Variants in MIXL1 observed in about 807,000 individuals in gnomAD.
MIXL1 encodes the protein Mix paired-like homeobox, also known as homeobox protein MIXL1.
Under a neutral mutation model 9.3 loss-of-function variants are expected in MIXL1, and 9 were observed. That is an observed-to-expected ratio of 0.97 (90% confidence interval 0.58 to 1.69). The LOEUF (loss-of-function observed/expected upper bound fraction) is 1.69, where lower values mean the gene tolerates loss of function less well. Among genes scored for constraint, MIXL1 ranks in the 40% most tolerant of loss-of-function variants. MIXL1 has a pLI of 0.00. For synonymous variants in MIXL1, 164 were observed against 155.6 expected (o/e 1.05, Z -0.40); for missense variants, 330 against 331.7 (o/e 0.99, Z 0.04).
chr1:226,226,708 A>G lies in MIXL1; in HGVS notation c.*896A>G, dbSNP rs955199238. The G allele has an allele frequency of 1.2e-4, 17 of 147,742 alleles. No homozygotes were observed. Among genetic ancestry groups the G allele is most frequent in the Admixed American group, 1.0e-3 (15 of 14,680 alleles). The allele number at this position is 147,742 out of a possible 1,614,324, so 9.2% of individuals were successfully genotyped here. ...AAAAAAAAAAAAAAAAAATTACTCTATGGTTCTGTGGTAGCCTCCAGTTGC... is the reference window on the plus strand; with the variant it reads ...AAAAAAAAAAAAAAAAAATTACTCTGTGGTTCTGTGGTAGCCTCCAGTTGC... On this transcript the variant is annotated 3_prime_UTR_variant, in exon 2 of 2. Coordinates refer to ENST00000366810, the MANE Select transcript of MIXL1 (RefSeq NM_031944.3).
In MIXL1 at chr1:226,225,705, A is replaced by G. The variant is rs1657143544; in HGVS notation, c.592A>G (p.Ser198Gly). 1 of 1,614,084 alleles carries G rather than the reference A, an allele frequency of 6.2e-7. No individual in the cohort carries two copies. The highest frequency in any genetic ancestry group is 1.7e-5 in the Admixed American group (1 of 60,004). Residue 198 changes from serine (S) to glycine (G), a missense_variant, in exon 2 of 2, where the codon AGC (serine) becomes GGC (glycine). Ser to Gly is a moderately conservative substitution (Grantham distance 56, BLOSUM62 0). Transcript: ENST00000366810. Reference sequence around the variant, plus strand: ...GGTTGGAGGGGGCATCTCTGACTCTAGCTCCCAAGGTCAGAATTTTGAAAC... The same window carrying G: ...GGTTGGAGGGGGCATCTCTGACTCTGGCTCCCAAGGTCAGAATTTTGAAAC... ...NGVGGGISDSSSQGQNFETCS... is the reference protein window; with the variant it reads ...NGVGGGISDSGSQGQNFETCS...
rs771704348 is a variant in MIXL1 at position 226,223,952 on chromosome 1, A to G, written c.271A>G (p.Thr91Ala). Residue 91 changes from threonine to alanine, a missense_variant, in exon 1 of 2, where the codon ACG (threonine) becomes GCG (alanine). Transcript: ENST00000366810. ...APSASQRRKRTSFSAEQLQLL... is the reference protein window; with the variant it reads ...APSASQRRKRASFSAEQLQLL... The stretch of plus-strand genomic sequence containing the variant: ...GTCGGCGTCGCAGCGCCGCAAGCGC[A>G]CGTCTTTCAGCGCCGAACAGCTGCA... 12 of 1,440,886 alleles carry G rather than the reference A, an allele frequency of 8.3e-6. No homozygotes were observed. In the South Asian group the frequency reaches 1.5e-4, roughly 18 times the overall value. 89.3% of individuals were successfully genotyped at this position (1,440,886 alleles called of 1,614,324 possible).
At position 226,223,995 on chromosome 1, in the gene MIXL1, T is replaced by C; in HGVS notation, c.314T>C (p.Phe105Ser). 1.4e-6 allele frequency: 2 copies of C among 1,451,562 alleles called. No individual in the cohort carries two copies. The highest frequency in any genetic ancestry group is 1.5e-5 in the South Asian group (1 of 68,110). 89.9% of individuals were successfully genotyped at this position (1,451,562 alleles called of 1,614,324 possible). ...AEQLQLLELV[F>S]RRTRYPDIHL... Reference sequence around the variant, plus strand: ...CAGCTGCAGCTGCTGGAGCTCGTCTTCCGCCGGACCCGGTACCCCGACATC... The same window carrying C: ...CAGCTGCAGCTGCTGGAGCTCGTCTCCCGCCGGACCCGGTACCCCGACATC... Residue 105 changes from phenylalanine to serine, a missense_variant, in exon 1 of 2, where the codon TTC (phenylalanine) becomes TCC (serine). By Grantham distance (155) the Phe-to-Ser change is radical. Coordinates refer to ENST00000366810, the MANE Select transcript of MIXL1 (RefSeq NM_031944.3).
chr1:226,224,977 A>C (rs912253702), intron 1 of MIXL1, among the ~76,000 whole-genome samples: 13 of 152,194 alleles, frequency 8.5e-5, no homozygotes, highest in African/African-American at 3.1e-4. Context: ...TAGAGTTGGT[A>C]AGGAGAAGCC....
In MIXL1 at chr1:226,224,071, C is replaced by T; in HGVS notation, c.390C>T (p.Ile130=). 2 of 1,337,270 alleles carry T rather than the reference C, an allele frequency of 1.5e-6. No homozygotes were observed. Among genetic ancestry groups the T allele is most frequent in the East Asian group, 5.6e-5 (2 of 35,416 alleles). The allele number at this position is 1,337,270 out of a possible 1,614,324, so 82.8% of individuals were successfully genotyped here. The change falls in exon 1 of 2, where the codon ATC becomes ATT. Residue 130 remains isoleucine (I), a synonymous_variant. Transcript: ENST00000366810. ...AALTLLPESR[I]QVWFQNRRAK... ...TCACCCTGCTCCCCGAGTCCAGGAT[C>T]CAGGTGAGGGCCCGCTGCGTTCGCA...
Position 226,223,964 on chromosome 1 carries a change from G to A in MIXL1, c.283G>A (p.Ala95Thr). The change falls in exon 1 of 2, where the codon GCC becomes ACC. Residue 95 changes from alanine to threonine, a missense_variant. Physicochemically the swap from Ala to Thr is moderately conservative, Grantham distance 58. Coordinates refer to ENST00000366810, the MANE Select transcript of MIXL1 (RefSeq NM_031944.3). ...SQRRKRTSFSAEQLQLLELVF... is the reference protein window; with the variant it reads ...SQRRKRTSFSTEQLQLLELVF... ...GCGCCGCAAGCGCACGTCTTTCAGC[G>A]CCGAACAGCTGCAGCTGCTGGAGCT... 1.4e-6 allele frequency: 2 copies of A among 1,447,608 alleles called. No individual in the cohort carries two copies. Among genetic ancestry groups the A allele is most frequent in the Non-Finnish European group, 1.8e-6 (2 of 1,089,894 alleles). 89.7% of individuals were successfully genotyped at this position (1,447,608 alleles called of 1,614,324 possible).
chr1:226,223,862 G>C lies in MIXL1; in HGVS notation c.181G>C (p.Gly61Arg). Residue 61 changes from glycine to arginine, a missense_variant, in exon 1 of 2, where the codon GGG (glycine) becomes CGG (arginine). By Grantham distance (125) the Gly-to-Arg change is moderately radical (BLOSUM62 -2). Coordinates refer to ENST00000366810, the MANE Select transcript of MIXL1 (RefSeq NM_031944.3). The part of the protein sequence containing the change: ...TFAGFLGRDP[G>R]PAPPPPASLG... ...TGCGGGCTTCCTCGGCCGGGACCCC[G>C]GGCCGGCCCCGCCGCCCCCCGCCAG... 1 of 1,197,226 alleles carries C rather than the reference G, an allele frequency of 8.4e-7. No homozygotes were observed. Among genetic ancestry groups the C allele is most frequent in the Non-Finnish European group, 1.0e-6 (1 of 967,578 alleles). 74.2% of individuals were successfully genotyped at this position (1,197,226 alleles called of 1,614,324 possible). A position where few individuals can be genotyped will look rare whatever the true frequency, so the allele number is the denominator to read the frequency against.
At position 226,224,000 on chromosome 1, in the gene MIXL1, C is replaced by A; in HGVS notation, c.319C>A (p.Arg107=). 1 of 1,446,560 alleles carries A rather than the reference C, an allele frequency of 6.9e-7. No individual in the cohort carries two copies. Among genetic ancestry groups the A allele is most frequent in the Non-Finnish European group, 9.2e-7 (1 of 1,087,736 alleles). The allele number at this position is 1,446,560 out of a possible 1,614,324, so 89.6% of individuals were successfully genotyped here. The change falls in exon 1 of 2, where the codon CGG becomes AGG. Residue 107 remains arginine, a synonymous_variant. Coordinates refer to ENST00000366810, the MANE Select transcript of MIXL1 (RefSeq NM_031944.3). ...QLQLLELVFR[R]TRYPDIHLRE... ...GCAGCTGCTGGAGCTCGTCTTCCGC[C>A]GGACCCGGTACCCCGACATCCACTT...
Position 226,224,008 on chromosome 1 carries a change from G to A in MIXL1, c.327G>A (p.Arg109=). The change falls in exon 1 of 2, where the codon CGG becomes CGA. Residue 109 remains arginine (R), a synonymous_variant. Transcript: ENST00000366810. The part of the protein sequence containing the change: ...QLLELVFRRT[R]YPDIHLRERL... ...TGGAGCTCGTCTTCCGCCGGACCCG[G>A]TACCCCGACATCCACTTGCGCGAGC... 1 of 1,441,744 alleles carries A rather than the reference G, an allele frequency of 6.9e-7. No homozygotes were observed. Among genetic ancestry groups the A allele is most frequent in the South Asian group, 1.5e-5 (1 of 67,144 alleles). The allele number at this position is 1,441,744 out of a possible 1,614,324, so 89.3% of individuals were successfully genotyped here.
chr1:226,223,730 T>G lies in MIXL1; in HGVS notation c.49T>G (p.Phe17Val). 6.9e-7 allele frequency: 1 copy of G among 1,458,210 alleles called. No homozygotes were observed. The highest frequency in any genetic ancestry group is 9.0e-7 in the Non-Finnish European group (1 of 1,110,664). The allele number at this position is 1,458,210 out of a possible 1,614,324, so 90.3% of individuals were successfully genotyped here. ...RALQFAEGAAFPAYRAPHAGG... is the reference protein window; with the variant it reads ...RALQFAEGAAVPAYRAPHAGG... Reference sequence around the variant, plus strand: ...GCTCCAGTTTGCCGAGGGCGCCGCGTTTCCAGCGTACCGGGCCCCCCACGC... The same window carrying G: ...GCTCCAGTTTGCCGAGGGCGCCGCGGTTCCAGCGTACCGGGCCCCCCACGC... The change falls in exon 1 of 2, where the codon TTT becomes GTT. Residue 17 changes from phenylalanine to valine, a missense_variant. Transcript: ENST00000366810.
In MIXL1 at chr1:226,226,089, T is replaced by G. The variant is rs1657154063; in HGVS notation, c.*277T>G. The G allele has an allele frequency of 6.3e-6, 2 of 318,778 alleles. No homozygotes were observed. The highest frequency in any genetic ancestry group is 1.2e-5 in the Non-Finnish European group (2 of 173,482). 19.7% of individuals were successfully genotyped at this position (318,778 alleles called of 1,614,324 possible). The stretch of plus-strand genomic sequence containing the variant: ...ATTGGTCTGCATCCCTATGCCTTCT[T>G]GCCAGGCCTGTTTTTAGTTTTTGGA... On this transcript the variant is annotated 3_prime_UTR_variant, in exon 2 of 2. Coordinates refer to ENST00000366810, the MANE Select transcript of MIXL1 (RefSeq NM_031944.3).
In MIXL1 at chr1:226,223,759, C is replaced by T; in HGVS notation, c.78C>T (p.Gly26=). The change falls in exon 1 of 2, where the codon GGC becomes GGT. Residue 26 remains glycine (G), a synonymous_variant. Coordinates refer to ENST00000366810, the MANE Select transcript of MIXL1 (RefSeq NM_031944.3). ...AFPAYRAPHA[G]GALLPPPSPA... is the part of the protein sequence containing the mutation. ...CAGCGTACCGGGCCCCCCACGCCGG[C>T]GGGGCGCTCCTGCCGCCCCCGAGCC... The T allele has an allele frequency of 2.1e-6, 3 of 1,418,108 alleles. No homozygotes were observed. The highest frequency in any genetic ancestry group is 2.9e-5 in the South Asian group (2 of 69,476). The allele number at this position is 1,418,108 out of a possible 1,614,324, so 87.8% of individuals were successfully genotyped here. A position where few individuals can be genotyped will look rare whatever the true frequency, so the allele number is the denominator to read the frequency against.
Position 226,225,568 on chromosome 1 carries a change from T to C in MIXL1, c.455T>C (p.Leu152Ser). The change falls in exon 2 of 2, where the codon TTG (leucine) becomes TCG (serine). Residue 152 changes from leucine to serine, a missense_variant. Coordinates refer to ENST00000366810, the MANE Select transcript of MIXL1 (RefSeq NM_031944.3). Reference sequence around the variant, plus strand: ...CAGAGTGGGAAATCCTTCCAACCTTTGGCTAGGCCGGAGATTATCCTCAAC... The same window carrying C: ...CAGAGTGGGAAATCCTTCCAACCTTCGGCTAGGCCGGAGATTATCCTCAAC... ...RRQSGKSFQP[L>S]ARPEIILNHC... The C allele has an allele frequency of 6.2e-7, 1 of 1,614,234 alleles. No individual in the cohort carries two copies. The highest frequency in any genetic ancestry group is 8.5e-7 in the Non-Finnish European group (1 of 1,180,046).
At position 226,225,723 on chromosome 1, in the gene MIXL1, T is replaced by G. The variant is rs1166369740; in HGVS notation, c.610T>G (p.Phe204Val). ...TGACTCTAGCTCCCAAGGTCAGAAT[T>G]TTGAAACCTGTTCCCCTCTCTCTGA... ...ISDSSSQGQN[F>V]ETCSPLSEDI... is the part of the protein sequence containing the mutation. The change falls in exon 2 of 2, where the codon TTT becomes GTT. Residue 204 changes from phenylalanine to valine, a missense_variant. Transcript: ENST00000366810. The G allele has an allele frequency of 6.2e-7, 1 of 1,614,102 alleles. No homozygotes were observed. The highest frequency in any genetic ancestry group is 8.5e-7 in the Non-Finnish European group (1 of 1,179,946).
chr1:226,225,503 C>G lies in MIXL1; in HGVS notation c.394-4C>G. 1 of 1,612,792 alleles carries G rather than the reference C, an allele frequency of 6.2e-7. No homozygotes were observed. Among genetic ancestry groups the G allele is most frequent in the East Asian group, 2.2e-5 (1 of 44,878 alleles). ...AGCAGCTTTTATTTTCTCCCCTCTT[C>G]CAGGTATGGTTCCAGAACAGGCGTG... is the stretch of plus-strand genomic sequence containing the variant. On this transcript the variant is annotated splice_region_variant and splice_polypyrimidine_tract_variant and intron_variant, in intron 1 of 1. Coordinates refer to ENST00000366810, the MANE Select transcript of MIXL1 (RefSeq NM_031944.3).
rs763437724 is a variant in MIXL1 at position 226,224,041 on chromosome 1, C to A, written c.360C>A (p.Ala120=). ...ACATCCACTTGCGCGAGCGCCTGGCCGCGCTCACCCTGCTCCCCGAGTCCA... is the reference window on the plus strand; with the variant it reads ...ACATCCACTTGCGCGAGCGCCTGGCAGCGCTCACCCTGCTCCCCGAGTCCA... ...YPDIHLRERL[A]ALTLLPESRI... is the part of the protein sequence containing the mutation. The change falls in exon 1 of 2, where the codon GCC becomes GCA. Residue 120 remains alanine (A), a synonymous_variant. Transcript: ENST00000366810. 1.4e-4 allele frequency: 198 copies of A among 1,393,578 alleles called. No individual in the cohort carries two copies. In the Admixed American group the frequency reaches 4.6e-3, roughly 33 times the overall value. 86.3% of individuals were successfully genotyped at this position (1,393,578 alleles called of 1,614,324 possible). A position where few individuals can be genotyped will look rare whatever the true frequency, so the allele number is the denominator to read the frequency against.
rs552600359 is a variant in MIXL1 at position 226,223,901 on chromosome 1, G to A, written c.220G>A (p.Ala74Thr). The change falls in exon 1 of 2, where the codon GCG becomes ACG. Residue 74 changes from alanine (A) to threonine (T), a missense_variant. Transcript: ENST00000366810. ...GCCCCCCGCCAGCCTGGGCTCGCCT[G>A]CGCCCCCCAAAGGCGCGGCCGCCCC... The part of the protein sequence containing the change: ...PPPPASLGSP[A>T]PPKGAAAPSA... 8.4e-4 allele frequency: 1,079 copies of A among 1,288,016 alleles called. 8 individuals carry two copies. In the African/African-American group the frequency reaches 0.014, roughly 17 times the overall value. The allele number at this position is 1,288,016 out of a possible 1,614,324, so 79.8% of individuals were successfully genotyped here. A position where few individuals can be genotyped will look rare whatever the true frequency, so the allele number is the denominator to read the frequency against.
In MIXL1 at chr1:226,225,447, CATA is replaced by C. The variant is rs1329660475; in HGVS notation, c.394-57_394-55del. On this transcript the variant is annotated intron_variant, in intron 1 of 1. Coordinates refer to ENST00000366810, the MANE Select transcript of MIXL1 (RefSeq NM_031944.3). The stretch of plus-strand genomic sequence containing the variant: ...GGAACTTACCAGTATGAACTGTGAA[CATA>C]ATGTTAGCATAAAAAACTCCAACCA... 8 of 1,569,086 alleles carry C rather than the reference CATA, an allele frequency of 5.1e-6. No individual in the cohort carries two copies. The East Asian group carries it at 1.3e-4, about 26-fold the overall frequency.
rs1470781023 is a variant in MIXL1 at position 226,226,694 on chromosome 1, A to AAT, written c.*883_*884insTA. On this transcript the variant is annotated 3_prime_UTR_variant, in exon 2 of 2. Coordinates refer to ENST00000366810, the MANE Select transcript of MIXL1 (RefSeq NM_031944.3). ...GCTCTCAAAAAAAAAAAAAAAAAAA[A>AAT]AAAAAATTACTCTATGGTTCTGTGG... 2 of 132,066 alleles carry AAT rather than the reference A, an allele frequency of 1.5e-5. No individual in the cohort carries two copies. The highest frequency in any genetic ancestry group is 4.3e-4 in the East Asian group (2 of 4,666). 8.2% of individuals were successfully genotyped at this position (132,066 alleles called of 1,614,324 possible).
Sources: allele counts gnomAD v4.1 joint callset (sites outside exome capture counted in the v4.1 genomes callset), GRCh38; gene constraint gnomAD v4.1.1; transcripts MANE v1.5; gene names NCBI Gene and HGNC (gene_info 2026-07-23, HGNC 2026-07-21).